Variants in CSMD3 observed in about 807,000 individuals in gnomAD.
The protein encoded by CSMD3 is CUB and Sushi multiple domains 3.
Under a neutral mutation model 435.2 loss-of-function variants are expected in CSMD3, and 177 were observed. The observed-to-expected ratio is 0.41, with a 90% CI of 0.36 to 0.46. The LOEUF (loss-of-function observed/expected upper bound fraction) is 0.46. Among genes scored for constraint, CSMD3 ranks in the 20% least tolerant of loss-of-function variants. The pLI is 0.34. For synonymous variants in CSMD3, 1,656 were observed against 1,520.5 expected (o/e 1.09, Z -2.07); for missense variants, 4,265 against 4,504.6 (o/e 0.95, Z 1.52).
At chr8:112,361,582 T>C (rs1480693137) in intron 38 of CSMD3, among the ~76,000 whole-genome samples, 383 of 23,136 alleles carry the variant, frequency 0.017, 15 homozygotes, top group African/African-American at 0.04. Context: ...CATATATATA[T>C]ATATATATAT....
intron 28 of CSMD3, among the ~76,000 whole-genome samples, chr8:112,511,569 T>G (rs1467517519): frequency 6.6e-6 from 1 of 151,930 alleles, no homozygotes; most frequent in Non-Finnish European, 1.5e-5. Flanking sequence ...TTGTTGTATT[T>G]TTAGTAGAGA....
intron 11 of CSMD3, among the ~76,000 whole-genome samples, chr8:112,848,644 G>A (rs1300952156): frequency 6.6e-6 from 1 of 152,060 alleles, no homozygotes; most frequent in Non-Finnish European, 1.5e-5. Flanking sequence ...ACAAAGTGCT[G>A]TTTTATTTAT....
chr8:113,377,904 A>G (rs2094396052), intron 1 of CSMD3, among the ~76,000 whole-genome samples: 1 of 152,160 alleles, frequency 6.6e-6, no homozygotes, highest in Admixed American at 6.5e-5. Context: ...ATAAACGAGG[A>G]GCACGCCTGA....
chr8:113,210,783 A>C (rs1041870857), intron 3 of CSMD3, among the ~76,000 whole-genome samples: 3 of 152,032 alleles, frequency 2.0e-5, no homozygotes, highest in Admixed American at 1.3e-4. Flanking sequence ...AGGCTGAGGC[A>C]GGAGAATCAC....
intron 3 of CSMD3, among the ~76,000 whole-genome samples, chr8:113,220,219 C>A (rs2092951161): frequency 6.6e-6 from 1 of 151,380 alleles, no homozygotes; most frequent in South Asian, 2.1e-4. Flanking sequence ...CACAGAGGCA[C>A]CCTCACAGAA....
rs1422889834 is a variant in CSMD3 at position 112,545,503 on chromosome 8, AT to A, written c.4564+5167del. Among the ~76,000 whole-genome samples, 1,126 of 114,628 alleles carry A rather than the reference AT, an allele frequency of 9.8e-3. 21 individuals are homozygous for A. The highest frequency in any genetic ancestry group is 0.022 in the African/African-American group (621 of 28,612). The allele number at this position is 114,628 out of a possible 152,430, so 75.2% of individuals were successfully genotyped here. On this transcript the variant is annotated intron_variant, in intron 27 of 70. Transcript: ENST00000297405. ...ATCTCAAAAAAAAAAAAAAAAAAAA[AT>A]AATAATAATAATAATAATAATAAAT...
intron 12 of CSMD3, among the ~76,000 whole-genome samples, chr8:112,828,588 G>C (rs1302864749): frequency 6.6e-6 from 1 of 152,084 alleles, no homozygotes; most frequent in Admixed American, 6.6e-5. Context: ...TTAAGCCTGT[G>C]GAAATGAAAG....
At chr8:112,623,859 G>T (rs1834273111) in intron 22 of CSMD3, among the ~76,000 whole-genome samples, 1 of 151,902 alleles carries the variant, frequency 6.6e-6, no homozygotes, top group Admixed American at 6.6e-5. Flanking sequence ...ATGACAGTTT[G>T]TTACTTAAAC....
intron 10 of CSMD3, among the ~76,000 whole-genome samples, chr8:112,921,425 T>C (rs1054090302): frequency 6.6e-6 from 1 of 152,106 alleles, no homozygotes. Context: ...CTATGTTGTA[T>C]GATTATTAAT....
chr8:112,525,694 C>T (rs1824817733), intron 27 of CSMD3, among the ~76,000 whole-genome samples: 1 of 146,742 alleles, frequency 6.8e-6, no homozygotes, highest in Non-Finnish European at 1.5e-5. Context: ...GCACTCCAGC[C>T]TGAGCGACAG....
chr8:112,541,188 T>C (rs1367715631), intron 27 of CSMD3, among the ~76,000 whole-genome samples: 1 of 151,382 alleles, frequency 6.6e-6, no homozygotes, highest in Non-Finnish European at 1.5e-5. Context: ...AAAGGAAAAA[T>C]GTCTCAAGTA....
At position 112,301,909 on chromosome 8, in the gene CSMD3, G is replaced by A; in HGVS notation, c.8324C>T (p.Thr2775Ile). The change falls in exon 53 of 71, where the codon ACT becomes ATT. Residue 2775 changes from threonine to isoleucine, a missense_variant. Physicochemically the swap from Thr to Ile is moderately conservative, Grantham distance 89. Transcript: ENST00000297405. ...PPNGNKIGTQ[T>I]SYGSTAIFTC... is the part of the protein sequence containing the mutation. ...AAAGATAGCTGTTGAGCCATATGAA[G>A]TTTGAGTTCCAATCTTATTTCCATT... The A allele has an allele frequency of 6.2e-7, 1 of 1,612,912 alleles. No individual in the cohort carries two copies. The highest frequency in any genetic ancestry group is 8.5e-7 in the Non-Finnish European group (1 of 1,178,998).
chr8:113,177,357 A>C (rs2131908455), intron 3 of CSMD3, among the ~76,000 whole-genome samples: 1 of 152,144 alleles, frequency 6.6e-6, no homozygotes, highest in South Asian at 2.1e-4. Flanking sequence ...TGCAAGCTAG[A>C]CACATTATAC....
At chr8:113,421,368 T>C (rs975273105) in intron 1 of CSMD3, among the ~76,000 whole-genome samples, 12 of 152,206 alleles carry the variant, frequency 7.9e-5, no homozygotes, top group African/African-American at 2.9e-4. Flanking sequence ...ATGACTTTTC[T>C]TATGGACAAA....
chr8:113,188,833 A>G (rs1209034497), intron 3 of CSMD3, among the ~76,000 whole-genome samples: 1 of 151,916 alleles, frequency 6.6e-6, no homozygotes, highest in African/African-American at 2.4e-5. Flanking sequence ...TTTGAGTACC[A>G]TCATCATTAC....
intron 2 of CSMD3, among the ~76,000 whole-genome samples, chr8:113,302,851 A>G (rs997212651): frequency 2.1e-5 from 3 of 144,962 alleles, no homozygotes; most frequent in African/African-American, 7.8e-5. Flanking sequence ...AAACTGGCAC[A>G]AGACAGGGAT....
chr8:113,146,316 C>A (rs1431056130), intron 4 of CSMD3, among the ~76,000 whole-genome samples: 1 of 151,340 alleles, frequency 6.6e-6, no homozygotes, highest in Admixed American at 6.6e-5. Context: ...ATATGAGATC[C>A]TGTCTACATG....
intron 24 of CSMD3, among the ~76,000 whole-genome samples, chr8:112,561,205 T>C (rs957717056): frequency 4.0e-5 from 6 of 151,660 alleles, no homozygotes; most frequent in East Asian, 1.9e-4. Context: ...AGTCTTTTCA[T>C]TGAAAAGCTC....
chr8:112,589,450 G>A (rs923672358), intron 22 of CSMD3, among the ~76,000 whole-genome samples: 2 of 151,954 alleles, frequency 1.3e-5, no homozygotes, highest in Admixed American at 6.6e-5. Flanking sequence ...TTCAGTATCC[G>A]GTGGCTGTGA....
Sources: gnomAD v4.1 joint callset for allele counts (sites outside exome capture counted in the v4.1 genomes callset) on GRCh38, gnomAD v4.1.1 for gene constraint, MANE v1.5 for transcripts, NCBI Gene and HGNC (gene_info 2026-07-23, HGNC 2026-07-21) for gene names.